TMTC1: variants seen among roughly 807,000 people sequenced by gnomAD.
The protein encoded by TMTC1 is transmembrane O-mannosyltransferase targeting cadherins 1.
In TMTC1, 73 loss-of-function variants were observed where a neutral mutation model predicts 104.8. The ratio of observed to expected loss-of-function variants is 0.70; its 90% CI spans 0.58 to 0.85. The LOEUF (loss-of-function observed/expected upper bound fraction) is 0.85. Among genes scored for constraint, TMTC1 ranks in the 40% least tolerant of loss-of-function variants. TMTC1 has a pLI of 0.00. For synonymous variants in TMTC1, 434 were observed against 428.7 expected (o/e 1.01, Z -0.15); for missense variants, 1,035 against 1,096.1 (o/e 0.94, Z 0.79).
At chr12:29,603,571 T>C (rs1007228147) in intron 7 of TMTC1, among the ~76,000 whole-genome samples, 10 of 152,088 alleles carry the variant, frequency 6.6e-5, no homozygotes, top group African/African-American at 2.4e-5. Flanking sequence ...TTCAAGCATC[T>C]GAAAAGAAAA....
intron 5 of TMTC1, among the ~76,000 whole-genome samples, chr12:29,664,277 T>C (rs777689967): frequency 4.6e-5 from 7 of 151,506 alleles, no homozygotes; most frequent in South Asian, 2.1e-4. Flanking sequence ...AAAGCCTAAA[T>C]TGGTAAAGAG....
intron 5 of TMTC1, among the ~76,000 whole-genome samples, chr12:29,675,284 T>C (rs1940681557): frequency 8.8e-6 from 1 of 113,336 alleles, no homozygotes; most frequent in Admixed American, 1.0e-4. Context: ...TAAACTTAAC[T>C]CAAGTCCAAC....
At chr12:29,560,369 G>A in intron 9 of TMTC1, among the ~76,000 whole-genome samples, 1 of 152,060 alleles carries the variant, frequency 6.6e-6, no homozygotes, top group East Asian at 1.9e-4. Context: ...TTATTATTTT[G>A]ATGAATTTCA....
intron 2 of TMTC1, among the ~76,000 whole-genome samples, chr12:29,761,711 G>C (rs1043140864): frequency 2.0e-5 from 3 of 152,102 alleles, no homozygotes; most frequent in African/African-American, 4.8e-5. Flanking sequence ...AGATGAACTG[G>C]GCTGACATTT....
At chr12:29,755,485 C>A (rs1035202405) in intron 4 of TMTC1, among the ~76,000 whole-genome samples, 1 of 152,174 alleles carries the variant, frequency 6.6e-6, no homozygotes, top group Non-Finnish European at 1.5e-5. Flanking sequence ...CTGGGGCTCA[C>A]AAAAACTTCA....
At chr12:29,779,082 C>T (rs2120658962) in intron 1 of TMTC1, among the ~76,000 whole-genome samples, 1 of 152,336 alleles carries the variant, frequency 6.6e-6, no homozygotes, top group East Asian at 1.9e-4. Context: ...GCTGCATACA[C>T]ACCTGCACCA....
intron 5 of TMTC1, among the ~76,000 whole-genome samples, chr12:29,694,388 TG>T (rs1941353060): frequency 6.6e-6 from 1 of 151,740 alleles, no homozygotes; most frequent in Admixed American, 6.6e-5. Flanking sequence ...TGATATAAAA[TG>T]GGGCAGTATT....
rs775327915 is a variant in TMTC1 at position 29,583,428 on chromosome 12, A to T, written c.1397T>A (p.Leu466Gln). The change falls in exon 8 of 18, where the codon CTG (leucine) becomes CAG (glutamine). Residue 466 changes from leucine (L) to glutamine (Q), a missense_variant. Coordinates refer to ENST00000539277, the MANE Select transcript of TMTC1 (RefSeq NM_001193451.2). ...WKTVKQNEIW[L>Q]SRESLFRSGV... ...ATACCTGAATAGGGACTCTCTTGAC[A>T]GCCAAATTTCATTCTGTTTCACAGT... 1 of 1,613,954 alleles carries T rather than the reference A, an allele frequency of 6.2e-7. No individual in the cohort carries two copies. Among genetic ancestry groups the T allele is most frequent in the South Asian group, 1.1e-5 (1 of 91,082 alleles).
intron 6 of TMTC1, among the ~76,000 whole-genome samples, chr12:29,619,939 G>A (rs1233947498): frequency 1.3e-5 from 2 of 152,214 alleles, no homozygotes; most frequent in African/African-American, 4.8e-5. Context: ...CAAGGTAAAG[G>A]ATGAAGGGAG....
At chr12:29,578,568 TATAA>T (rs1403751319) in intron 8 of TMTC1, among the ~76,000 whole-genome samples, 1 of 152,200 alleles carries the variant, frequency 6.6e-6, no homozygotes, top group Non-Finnish European at 1.5e-5. Context: ...CAACAGTGAT[TATAA>T]ATAAACATCT....
At position 29,633,234 on chromosome 12, in the gene TMTC1, C is replaced by G. The variant is rs139579223; in HGVS notation, c.1041G>C (p.Glu347Asp). ...CTAAGTTCCGCATGTCCCATATGGT[C>G]TCTACCAGAGGAATACTGCCGACCT... is the stretch of plus-strand genomic sequence containing the variant. ...DWQVGSIPLV[E>D]TIWDMRNLAT... is the part of the protein sequence containing the mutation. The change falls in exon 6 of 18, where the codon GAG (glutamate) becomes GAC (aspartate). Residue 347 changes from glutamate to aspartate, a missense_variant. Coordinates refer to ENST00000539277, the MANE Select transcript of TMTC1 (RefSeq NM_001193451.2). 31 of 1,613,982 alleles carry G rather than the reference C, an allele frequency of 1.9e-5. No individual in the cohort carries two copies. The highest frequency in any genetic ancestry group is 2.1e-5 in the Non-Finnish European group (25 of 1,179,982).
At chr12:29,626,781 C>T (rs1429613226) in intron 6 of TMTC1, among the ~76,000 whole-genome samples, 1 of 152,078 alleles carries the variant, frequency 6.6e-6, no homozygotes, top group Non-Finnish European at 1.5e-5. Flanking sequence ...AAAAGAAAAA[C>T]ATAGCTAAAT....
At chr12:29,537,533 T>C (rs1053718968) in intron 10 of TMTC1, among the ~76,000 whole-genome samples, 14 of 152,220 alleles carry the variant, frequency 9.2e-5, no homozygotes, top group African/African-American at 2.9e-4. Flanking sequence ...CCTAATGACC[T>C]TTCTGCTCAA....
At chr12:29,707,369 G>A (rs1430339085) in intron 5 of TMTC1, among the ~76,000 whole-genome samples, 1 of 152,100 alleles carries the variant, frequency 6.6e-6, no homozygotes, top group African/African-American at 2.4e-5. Flanking sequence ...CTTCCTTCAA[G>A]CTGTCTTTAC....
chr12:29,722,839 T>C (rs1401101200), intron 5 of TMTC1, among the ~76,000 whole-genome samples: 1 of 150,098 alleles, frequency 6.7e-6, no homozygotes, highest in Admixed American at 6.8e-5. Context: ...AAGAATTACT[T>C]GAACCCGGGA....
chr12:29,630,837 A>G (rs1441167981), intron 6 of TMTC1, among the ~76,000 whole-genome samples: 1 of 152,076 alleles, frequency 6.6e-6, no homozygotes, highest in African/African-American at 2.4e-5. Context: ...AAACTTCCAA[A>G]TTTTTCCAAA....
intron 6 of TMTC1, among the ~76,000 whole-genome samples, chr12:29,609,118 A>AT (rs1217443248): frequency 6.6e-6 from 1 of 151,918 alleles, no homozygotes; most frequent in Non-Finnish European, 1.5e-5. Flanking sequence ...CATCATTACT[A>AT]TTTTTTTTCT....
At chr12:29,516,775 A>G (rs1196807545) in intron 14 of TMTC1, among the ~76,000 whole-genome samples, 1 of 152,234 alleles carries the variant, frequency 6.6e-6, no homozygotes, top group African/African-American at 2.4e-5. Flanking sequence ...CAGAAGAGAA[A>G]GAATTTCCTC....
chr12:29,724,273 A>G (rs1404879708), intron 5 of TMTC1, among the ~76,000 whole-genome samples: 1 of 152,252 alleles, frequency 6.6e-6, no homozygotes, highest in Non-Finnish European at 1.5e-5. Context: ...AGCCTGGAGC[A>G]TCATGAACAC....
Sources: gnomAD v4.1 joint callset for allele counts (sites outside exome capture counted in the v4.1 genomes callset) on GRCh38, gnomAD v4.1.1 for gene constraint, MANE v1.5 for transcripts, NCBI Gene and HGNC (gene_info 2026-07-23, HGNC 2026-07-21) for gene names.